AMN1: variants seen among roughly 807,000 people sequenced by gnomAD.
The protein encoded by AMN1 is protein AMN1 homolog.
A neutral mutation model predicts 33.0 loss-of-function variants in AMN1; 20 were observed. The ratio of observed to expected loss-of-function variants is 0.61; its 90% confidence interval spans 0.43 to 0.88. AMN1 has a LOEUF of 0.88. Ranked by LOEUF, AMN1 falls within the 40% of genes least tolerant of loss-of-function variation. The pLI, the probability that AMN1 is intolerant of heterozygous loss-of-function variation, is 0.00. For missense variants in AMN1, 246 were observed against 307.4 expected (o/e 0.80, Z 1.49); for synonymous variants, 114 against 111.9 (o/e 1.02, Z -0.12).
chr12:31,721,688 A>G (rs527492992), intron 1 of AMN1, among the ~76,000 whole-genome samples: 93 of 152,240 alleles, frequency 6.1e-4, no homozygotes, highest in Non-Finnish European at 9.3e-4. Context: ...TTATATTTTT[A>G]CTGACTCTTG....
At chr12:31,689,237 G>T in intron 5 of AMN1, 119 bp from the exon 6 acceptor site, 1 of 698,780 alleles carries the variant, frequency 1.4e-6, no homozygotes, top group Non-Finnish European at 2.4e-6. Context: ...CAAAAAAAAA[G>T]TATATAGAAA....
At chr12:31,712,159 C>A (rs571624482) in intron 1 of AMN1, among the ~76,000 whole-genome samples, 1 of 152,192 alleles carries the variant, frequency 6.6e-6, no homozygotes, top group East Asian at 1.9e-4. Context: ...TCACTGCAGC[C>A]TTAACCTCCT....
intron 5 of AMN1, among the ~76,000 whole-genome samples, chr12:31,693,254 T>G (rs893784787): frequency 2.0e-5 from 3 of 152,124 alleles, no homozygotes; most frequent in African/African-American, 7.2e-5. Flanking sequence ...ATTTTTTTTT[T>G]GAGATGGAGT....
intron 1 of AMN1, among the ~76,000 whole-genome samples, chr12:31,726,419 C>T (rs1337549114): frequency 6.6e-6 from 1 of 152,206 alleles, no homozygotes; most frequent in African/African-American, 2.4e-5. Context: ...CCTCAGCCTT[C>T]CAAAGTGCTG....
chr12:31,720,233 C>T (rs377350135), intron 1 of AMN1, among the ~76,000 whole-genome samples: 188 of 152,256 alleles, frequency 1.2e-3, no homozygotes, highest in African/African-American at 4.4e-3. Context: ...CAAAAGAAAA[C>T]TTATCTCTAT....
At chr12:31,715,221 T>A (rs1426670200) in intron 1 of AMN1, 1 of 154,056 alleles carries the variant, frequency 6.5e-6, no homozygotes, top group African/African-American at 2.4e-5. Context: ...GATTTACCTA[T>A]CTAGTCCTAC....
At chr12:31,686,797 C>T (rs946430418) in intron 6 of AMN1, among the ~76,000 whole-genome samples, 2 of 152,026 alleles carry the variant, frequency 1.3e-5, no homozygotes, top group Non-Finnish European at 2.9e-5. Flanking sequence ...ATTGTAAAGT[C>T]GAAAAACTGT....
At chr12:31,702,080 T>C in intron 2 of AMN1, 73 bp from the exon 3 acceptor site, 1 of 1,354,972 alleles carries the variant, frequency 7.4e-7, no homozygotes, top group Non-Finnish European at 9.9e-7. Context: ...TATTCAGTGT[T>C]TTGGTGGTCA....
intron 1 of AMN1, among the ~76,000 whole-genome samples, chr12:31,727,581 G>T (rs954348084): frequency 2.0e-5 from 3 of 151,746 alleles, no homozygotes; most frequent in African/African-American, 7.3e-5. Flanking sequence ...CACTCTCTAC[G>T]ATACATTTCC....
intron 1 of AMN1, among the ~76,000 whole-genome samples, chr12:31,709,689 C>T (rs1939393930): frequency 6.6e-6 from 1 of 152,016 alleles, no homozygotes; most frequent in African/African-American, 2.4e-5. Context: ...ATTAGCTGAG[C>T]ATGGTGATGT....
chr12:31,680,094 GGC>G (rs1937930268), intron 6 of AMN1, among the ~76,000 whole-genome samples: 1 of 135,800 alleles, frequency 7.4e-6, no homozygotes, highest in Non-Finnish European at 1.6e-5. Flanking sequence ...CTACACTCCA[GGC>G]GGCAACAAAG....
chr12:31,723,608 T>C lies in AMN1; in HGVS notation c.38+5363A>G, dbSNP rs570608992. On this transcript the variant is annotated intron_variant, in intron 1 of 6. Transcript: ENST00000281471. The stretch of plus-strand genomic sequence containing the variant: ...TTCACTCTGACAATGATAGGTCTTT[T>C]ACTGCAAAGGTTGCTCAACAATGAG... Among the ~76,000 whole-genome samples, 24 of 152,316 alleles carry C rather than the reference T, an allele frequency of 1.6e-4. No individual in the cohort carries two copies. In the South Asian group the frequency reaches 3.7e-3, roughly 24 times the overall value.
chr12:31,707,745 C>T (rs895606141), intron 2 of AMN1, among the ~76,000 whole-genome samples: 2 of 152,122 alleles, frequency 1.3e-5, no homozygotes, highest in African/African-American at 2.4e-5. Context: ...TCAGTCTCCA[C>T]GACTCTGGTT....
At chr12:31,677,185 A>T (rs925521069) in intron 6 of AMN1, among the ~76,000 whole-genome samples, 1 of 152,166 alleles carries the variant, frequency 6.6e-6, no homozygotes, top group African/African-American at 2.4e-5. Context: ...CTGTAGTCCC[A>T]ACTACTCGGG....
At position 31,685,274 on chromosome 12, in the gene AMN1, C is replaced by T. The variant is rs145534123; in HGVS notation, c.703+3733G>A. ...GAACTCCTGACCTCAAGTGGTCTGCCCACCTCAGCCTCCCAAAGTGTTGGG... is the reference window on the plus strand; with the variant it reads ...GAACTCCTGACCTCAAGTGGTCTGCTCACCTCAGCCTCCCAAAGTGTTGGG... On this transcript the variant is annotated intron_variant, in intron 6 of 6. Coordinates refer to ENST00000281471, the MANE Select transcript of AMN1 (RefSeq NM_001113402.2). 9.7e-3 allele frequency among the ~76,000 whole-genome samples: 1,474 copies of T among 152,072 alleles called. 20 individuals carry two copies. The highest frequency in any genetic ancestry group is 0.034 in the African/African-American group (1,395 of 41,502).
Position 31,689,047 on chromosome 12 carries a change from T to A in AMN1, c.663A>T (p.Gln221His), listed in dbSNP as rs904507811. The change falls in exon 6 of 7, where the codon CAA becomes CAT. Residue 221 changes from glutamine (Q) to histidine (H), a missense_variant. By Grantham distance (24) the Gln-to-His change is conservative. Coordinates refer to ENST00000281471, the MANE Select transcript of AMN1 (RefSeq NM_001113402.2). ...ATCCATGGAAGAGTAATATACGTAT[T>A]TGAGGACAGTAAGTAAGGACAGCTT... The part of the protein sequence containing the change: ...AVEAVLTYCP[Q>H]IRILLFHGCP... 6.2e-7 allele frequency: 1 copy of A among 1,613,626 alleles called. No homozygotes were observed. The highest frequency in any genetic ancestry group is 8.5e-7 in the Non-Finnish European group (1 of 1,179,724).
chr12:31,677,114 T>C (rs1325569503), intron 6 of AMN1, among the ~76,000 whole-genome samples: 1 of 149,112 alleles, frequency 6.7e-6, no homozygotes, highest in Non-Finnish European at 1.5e-5. Flanking sequence ...CTGGCTAACA[T>C]GGTGAAACCC....
At chr12:31,672,531 T>C (rs1951301307) in intron 6 of AMN1, 154 bp from the exon 7 acceptor site, 2 of 580,452 alleles carry the variant, frequency 3.4e-6, no homozygotes, top group Non-Finnish European at 6.2e-6. Context: ...AACTCACTAA[T>C]AATTAATTAA....
chr12:31,701,998 G>A lies in AMN1; in HGVS notation c.181C>T (p.Pro61Ser). Residue 61 changes from proline to serine, a missense_variant, in exon 3 of 7, where the codon CCT becomes TCT. Coordinates refer to ENST00000281471, the MANE Select transcript of AMN1 (RefSeq NM_001113402.2). ...CGTAGATCTAGAGTTTGGACTTCAG[G>A]ATGTAAAATCTATAACAAATAAGTG... is the stretch of plus-strand genomic sequence containing the variant. Reference protein sequence around the residue: ...TDSNISEILHPEVQTLDLRSC... With the variant: ...TDSNISEILHSEVQTLDLRSC... The A allele has an allele frequency of 6.3e-7, 1 of 1,593,738 alleles. No individual in the cohort carries two copies. Among genetic ancestry groups the A allele is most frequent in the African/African-American group, 1.4e-5 (1 of 73,792 alleles).
Sources: gnomAD v4.1 joint callset for allele counts (sites outside exome capture counted in the v4.1 genomes callset) on GRCh38, gnomAD v4.1.1 for gene constraint, MANE v1.5 for transcripts, NCBI Gene and HGNC (gene_info 2026-07-23, HGNC 2026-07-21) for gene names.